The following NXPH1 variants were observed in gnomAD, a reference collection of about 807,000 sequenced individuals.
The protein encoded by NXPH1 is neurexophilin 1.
In NXPH1, 5 loss-of-function variants were observed where a neutral mutation model predicts 23.7. That is an observed-to-expected ratio of 0.21 (90% CI 0.11 to 0.44). NXPH1 has a LOEUF of 0.44. Ranked by LOEUF, NXPH1 falls within the 20% of genes least tolerant of loss-of-function variation. NXPH1 has a pLI of 0.99. For synonymous variants in NXPH1, 144 were observed against 122.2 expected (o/e 1.18, Z -1.18); for missense variants, 324 against 321.6 (o/e 1.01, Z -0.06).
Position 8,751,429 on chromosome 7 carries a change from G to C in NXPH1, c.476G>C (p.Gly159Ala). ...FSVYFRHNST[G>A]QGNVSVSLVP... ...GTTTATTTCAGGCATAATTCAACTGGTCAAGGGAATGTATCTGTCAGCTTG... is the reference window on the plus strand; with the variant it reads ...GTTTATTTCAGGCATAATTCAACTGCTCAAGGGAATGTATCTGTCAGCTTG... The change falls in exon 3 of 3, where the codon GGT becomes GCT. Residue 159 changes from glycine (G) to alanine (A), a missense_variant. Coordinates refer to ENST00000405863, the MANE Select transcript of NXPH1 (RefSeq NM_152745.3). The surrounding 1 kb of genome is among the most constrained non-coding windows in gnomAD (Gnocchi z 4.5). The C allele has an allele frequency of 1.2e-6, 2 of 1,613,844 alleles. No homozygotes were observed. Among genetic ancestry groups the C allele is most frequent in the Non-Finnish European group, 1.7e-6 (2 of 1,179,848 alleles).
At chr7:8,636,346 T>C (rs953208698) in intron 2 of NXPH1, among the ~76,000 whole-genome samples, 4 of 152,200 alleles carry the variant, frequency 2.6e-5, no homozygotes, top group African/African-American at 4.8e-5. Context: ...CCAGCTAAGA[T>C]CTGAAAAATA....
chr7:8,674,790 C>T lies in NXPH1; in HGVS notation c.55-76218C>T, dbSNP rs17153556. Among the ~76,000 whole-genome samples, 974 of 152,032 alleles carry T rather than the reference C, an allele frequency of 6.4e-3. 11 individuals carry two copies. The highest frequency in any genetic ancestry group is 0.022 in the African/African-American group (929 of 41,340). On this transcript the variant is annotated intron_variant, in intron 2 of 2. Coordinates refer to ENST00000405863, the MANE Select transcript of NXPH1 (RefSeq NM_152745.3). ...CATGCACCAAAGAGTAAATCATGCT[C>T]TCTGGAGGCCTATCACAGAAGGGAT...
At chr7:8,440,138 A>G (rs1816272550) in intron 2 of NXPH1, among the ~76,000 whole-genome samples, 2 of 152,216 alleles carry the variant, frequency 1.3e-5, no homozygotes, top group Admixed American at 6.5e-5. Flanking sequence ...CCTCTACCCC[A>G]GAAGCACAGC....
At chr7:8,550,227 G>A (rs1471043402) in intron 2 of NXPH1, among the ~76,000 whole-genome samples, 2 of 151,560 alleles carry the variant, frequency 1.3e-5, no homozygotes, top group Non-Finnish European at 3.0e-5. Context: ...GTGGCTGTAG[G>A]GGATAGAGAT....
chr7:8,474,040 C>T (rs1402605216), intron 2 of NXPH1, among the ~76,000 whole-genome samples: 1 of 152,126 alleles, frequency 6.6e-6, no homozygotes, highest in Non-Finnish European at 1.5e-5. Context: ...GCTGTGACTA[C>T]TCTGAATCAA....
chr7:8,748,302 G>A (rs1780505997), intron 2 of NXPH1, among the ~76,000 whole-genome samples: 1 of 152,140 alleles, frequency 6.6e-6, no homozygotes, highest in South Asian at 2.1e-4. Context: ...TAGGGGAAAG[G>A]AGAGATACCA....
At chr7:8,640,698 G>A (rs997659478) in intron 2 of NXPH1, among the ~76,000 whole-genome samples, 7 of 152,158 alleles carry the variant, frequency 4.6e-5, no homozygotes, top group African/African-American at 1.7e-4. Context: ...AGCCACACCT[G>A]TAATGTTAGC....
intron 2 of NXPH1, among the ~76,000 whole-genome samples, chr7:8,476,435 C>T (rs1434069083): frequency 6.6e-6 from 1 of 152,010 alleles, no homozygotes; most frequent in Non-Finnish European, 1.5e-5. Context: ...ATCCTCTTAC[C>T]CTATCTGAGT....
chr7:8,690,829 C>T (rs767862196), intron 2 of NXPH1, among the ~76,000 whole-genome samples: 42 of 152,186 alleles, frequency 2.8e-4, no homozygotes, highest in Non-Finnish European at 5.3e-4. Flanking sequence ...ACATCAATAA[C>T]CTGCTGCTTC....
intron 2 of NXPH1, among the ~76,000 whole-genome samples, chr7:8,437,961 G>T (rs1008282378): frequency 6.6e-6 from 1 of 152,204 alleles, no homozygotes; most frequent in African/African-American, 2.4e-5. Flanking sequence ...AAGTACTTTT[G>T]TGTGTCGGGG....
At chr7:8,610,107 C>G (rs1370786216) in intron 2 of NXPH1, among the ~76,000 whole-genome samples, 2 of 152,038 alleles carry the variant, frequency 1.3e-5, no homozygotes, top group East Asian at 1.9e-4. Context: ...AATAACTGCA[C>G]TTTATAATCG....
At chr7:8,748,241 A>G (rs1309350510) in intron 2 of NXPH1, among the ~76,000 whole-genome samples, 1 of 152,182 alleles carries the variant, frequency 6.6e-6, no homozygotes, top group Non-Finnish European at 1.5e-5. Context: ...CATTTCTGCG[A>G]TACTATTTTG....
chr7:8,730,746 C>T (rs867749809), intron 2 of NXPH1, among the ~76,000 whole-genome samples: 4 of 151,622 alleles, frequency 2.6e-5, no homozygotes, highest in Non-Finnish European at 5.9e-5. Flanking sequence ...GAGGGTAACC[C>T]GACCTTTCTC....
At chr7:8,716,812 G>T (rs1268101762) in intron 2 of NXPH1, among the ~76,000 whole-genome samples, 1 of 152,144 alleles carries the variant, frequency 6.6e-6, no homozygotes, top group African/African-American at 2.4e-5. Context: ...AACAGTCATT[G>T]CCCTGAGCCA....
chr7:8,739,909 T>C (rs916472283), intron 2 of NXPH1, among the ~76,000 whole-genome samples: 8 of 152,208 alleles, frequency 5.3e-5, no homozygotes, highest in Admixed American at 4.6e-4. Flanking sequence ...TATTAGGTGA[T>C]AGGAATTTTT....
chr7:8,697,645 G>T (rs1779556323), intron 2 of NXPH1, among the ~76,000 whole-genome samples: 1 of 152,134 alleles, frequency 6.6e-6, no homozygotes, highest in Non-Finnish European at 1.5e-5. Context: ...GTACACCATT[G>T]ATGAGATGGG....
intron 2 of NXPH1, among the ~76,000 whole-genome samples, chr7:8,499,489 A>C (rs1041897809): frequency 6.6e-6 from 1 of 152,114 alleles, no homozygotes; most frequent in Admixed American, 6.6e-5. Flanking sequence ...GAAATTAGCA[A>C]GAATGAGACT....
At chr7:8,659,619 T>C (rs979085207) in intron 2 of NXPH1, among the ~76,000 whole-genome samples, 4 of 152,092 alleles carry the variant, frequency 2.6e-5, no homozygotes, top group Non-Finnish European at 5.9e-5. Context: ...CATTAGGAGA[T>C]ATACCTAATG....
At chr7:8,681,226 C>T (rs765633910) in intron 2 of NXPH1, among the ~76,000 whole-genome samples, 2 of 152,140 alleles carry the variant, frequency 1.3e-5, no homozygotes, top group Non-Finnish European at 2.9e-5. Flanking sequence ...AGATTTGAGA[C>T]CTTTCTACCA....
Sources: allele counts gnomAD v4.1 joint callset (sites outside exome capture counted in the v4.1 genomes callset), GRCh38; gene constraint gnomAD v4.1.1; non-coding constraint Gnocchi (gnomAD v3.1); transcripts MANE v1.5; gene names NCBI Gene and HGNC (gene_info 2026-07-23, HGNC 2026-07-21).